The following CDC42BPB variants were observed in gnomAD, a reference collection of about 807,000 sequenced individuals.
CDC42BPB encodes the protein serine/threonine-protein kinase MRCK beta.
CDC42BPB carries 37 observed loss-of-function variants against 214.9 expected under a neutral mutation model. The ratio of observed to expected loss-of-function variants is 0.17; its 90% CI spans 0.13 to 0.23. The LOEUF (loss-of-function observed/expected upper bound fraction) is 0.23, where lower values mean the gene tolerates loss of function less well. Among genes scored for constraint, CDC42BPB ranks in the 10% least tolerant of loss-of-function variants. CDC42BPB has a pLI of 1.00. For synonymous variants in CDC42BPB, 931 were observed against 884.0 expected (o/e 1.05, Z -0.94); for missense variants, 1,694 against 2,227.0 (o/e 0.76, Z 4.82).
intron 1 of CDC42BPB, among the ~76,000 whole-genome samples, chr14:103,040,861 T>G (rs1440042631): frequency 6.6e-6 from 1 of 152,198 alleles, no homozygotes; most frequent in African/African-American, 2.4e-5. Flanking sequence ...CAAATTGACC[T>G]ACAGATTCAA....
intron 3 of CDC42BPB, among the ~76,000 whole-genome samples, chr14:103,006,117 T>G (rs982453663): frequency 6.6e-6 from 1 of 151,730 alleles, no homozygotes; most frequent in Non-Finnish European, 1.5e-5. Flanking sequence ...TGTCCAGACA[T>G]GCAGAGACCA....
chr14:102,968,391 C>T, intron 15 of CDC42BPB, 33 bp from the exon 16 acceptor site: 1 of 1,612,960 alleles, frequency 6.2e-7, no homozygotes, highest in Non-Finnish European at 8.5e-7. Context: ...GTTTTAAAAG[C>T]TCGTAACTTC....
intron 13 of CDC42BPB, 67 bp downstream of exon 13, chr14:102,971,851 CA>C (rs1010523877): frequency 1.2e-5 from 18 of 1,522,276 alleles, no homozygotes; most frequent in African/African-American, 1.1e-4. Context: ...CCCAAGATTT[CA>C]AAGACGTTTT....
intron 9 of CDC42BPB, among the ~76,000 whole-genome samples, chr14:102,977,137 CGAGA>C (rs935051896): frequency 1.3e-5 from 2 of 151,884 alleles, no homozygotes; most frequent in Non-Finnish European, 2.9e-5. Context: ...GTCAGGAGAT[CGAGA>C]CCATCTGGCC....
chr14:103,006,128 G>C (rs1885804886), intron 3 of CDC42BPB, among the ~76,000 whole-genome samples: 1 of 151,898 alleles, frequency 6.6e-6, no homozygotes, highest in Non-Finnish European at 1.5e-5. Context: ...GCAGAGACCA[G>C]CAATTCTGGA....
Position 102,999,870 on chromosome 14 carries a change from C to T in CDC42BPB, c.448-157G>A, listed in dbSNP as rs1379160421. 4.1e-6 allele frequency: 4 copies of T among 985,284 alleles called. No individual in the cohort carries two copies. In the African/African-American group the frequency reaches 7.0e-5, roughly 17 times the overall value. The allele number at this position is 985,284 out of a possible 1,614,324, so 61.0% of individuals were successfully genotyped here. ...GTCACCCAAGACCCTCCTTCTGGAA[C>T]ATGCGCCCCGATGCGTCCACGACGC... On this transcript the variant is annotated intron_variant, in intron 4 of 36. Coordinates refer to ENST00000361246, the MANE Select transcript of CDC42BPB (RefSeq NM_006035.4).
chr14:103,051,039 ACT>A (rs1025699253), intron 1 of CDC42BPB, among the ~76,000 whole-genome samples: 11 of 151,444 alleles, frequency 7.3e-5, no homozygotes, highest in African/African-American at 2.7e-4. Context: ...TTTTGTTGCC[ACT>A]GTTACCTACC....
intron 1 of CDC42BPB, among the ~76,000 whole-genome samples, chr14:103,024,810 C>T (rs922275033): frequency 1.3e-5 from 2 of 152,178 alleles, no homozygotes; most frequent in Admixed American, 1.3e-4. Flanking sequence ...AACTCCTGGG[C>T]TCAAGTGATC....
At chr14:103,017,542 C>T (rs1051627903) in intron 1 of CDC42BPB, among the ~76,000 whole-genome samples, 3 of 151,986 alleles carry the variant, frequency 2.0e-5, no homozygotes, top group Non-Finnish European at 2.9e-5. Flanking sequence ...CGTGATGAGA[C>T]GCAACCGCAC....
chr14:103,013,917 G>A (rs1210751640), intron 1 of CDC42BPB, among the ~76,000 whole-genome samples: 1 of 152,170 alleles, frequency 6.6e-6, no homozygotes, highest in Non-Finnish European at 1.5e-5. Context: ...TGTAATCCCG[G>A]CACTTTGGGA....
intron 3 of CDC42BPB, among the ~76,000 whole-genome samples, chr14:103,007,159 C>T (rs1257322422): frequency 6.6e-6 from 1 of 152,204 alleles, no homozygotes; most frequent in African/African-American, 2.4e-5. Flanking sequence ...GAAGCAATCA[C>T]AGGCCACCGA....
intron 9 of CDC42BPB, 65 bp downstream of exon 9, chr14:102,978,061 G>T: frequency 8.1e-7 from 1 of 1,237,672 alleles, no homozygotes; most frequent in Non-Finnish European, 1.2e-6. Flanking sequence ...GACAGACTGT[G>T]GTGTCTGACT....
intron 35 of CDC42BPB, 45 bp from the exon 36 acceptor site, chr14:102,938,219 CG>C: frequency 6.2e-7 from 1 of 1,606,924 alleles, no homozygotes; most frequent in Non-Finnish European, 8.5e-7. Flanking sequence ...AAGTCAAGAA[CG>C]GAATCAAATG....
intron 9 of CDC42BPB, among the ~76,000 whole-genome samples, chr14:102,977,643 CT>C (rs1313464610): frequency 1.3e-5 from 2 of 152,314 alleles, no homozygotes; most frequent in Non-Finnish European, 2.9e-5. Flanking sequence ...CAGCTCTCAG[CT>C]GAGTGCGCAT....
chr14:103,014,850 C>CT (rs1457912125), intron 1 of CDC42BPB, among the ~76,000 whole-genome samples: 1 of 151,576 alleles, frequency 6.6e-6, no homozygotes, highest in African/African-American at 2.4e-5. Context: ...GAGTGACACT[C>CT]TATCTGAAAA....
intron 5 of CDC42BPB, among the ~76,000 whole-genome samples, chr14:102,995,473 T>C (rs755280448): frequency 6.6e-6 from 1 of 152,198 alleles, no homozygotes; most frequent in Non-Finnish European, 1.5e-5. Context: ...CTGTGGCCGA[T>C]GTTCTCTCTC....
chr14:103,040,826 A>T (rs1423479458), intron 1 of CDC42BPB, among the ~76,000 whole-genome samples: 1 of 152,226 alleles, frequency 6.6e-6, no homozygotes, highest in Non-Finnish European at 1.5e-5. Context: ...AGAGACTTTA[A>T]TACTGTTAAG....
chr14:102,954,831 C>G, intron 21 of CDC42BPB, 143 bp from the exon 22 acceptor site: 8 of 1,436,676 alleles, frequency 5.6e-6, no homozygotes, highest in Non-Finnish European at 6.4e-6. Context: ...TCCTATCACC[C>G]CTTGGGTCTC....
At chr14:102,938,566 G>C in intron 34 of CDC42BPB, 155 bp from the exon 35 acceptor site, 1 of 985,424 alleles carries the variant, frequency 1.0e-6, no homozygotes, top group Non-Finnish European at 1.2e-6. Flanking sequence ...GTTCTGGACA[G>C]TCTGGAACTA....
Sources: allele counts gnomAD v4.1 joint callset (sites outside exome capture counted in the v4.1 genomes callset), GRCh38; gene constraint gnomAD v4.1.1; transcripts MANE v1.5; gene names NCBI Gene and HGNC (gene_info 2026-07-23, HGNC 2026-07-21).